SETD1A: variants seen among roughly 807,000 people sequenced by gnomAD.
The protein encoded by SETD1A is SET domain containing 1A, histone lysine methyltransferase.
SETD1A carries 29 observed loss-of-function variants against 149.9 expected under a neutral mutation model. That is an observed-to-expected ratio of 0.19 (90% CI 0.14 to 0.26). SETD1A has a LOEUF of 0.26. Among genes scored for constraint, SETD1A ranks in the 10% least tolerant of loss-of-function variants. The pLI, the probability that SETD1A is intolerant of heterozygous loss-of-function variation, is 1.00. For synonymous variants in SETD1A, 1,141 were observed against 968.5 expected (o/e 1.18, Z -3.31); for missense variants, 2,109 against 2,353.1 (o/e 0.90, Z 2.15).
intron 17 of SETD1A, among the ~76,000 whole-genome samples, chr16:30,981,733 C>T (rs981695592): frequency 9.9e-5 from 15 of 152,216 alleles, no homozygotes; most frequent in Non-Finnish European, 1.5e-4. Flanking sequence ...GAACAAGTAT[C>T]CACACAGAAG....
Position 30,980,880 on chromosome 16 carries a change from G to A in SETD1A, c.4692+31G>A. ...GCTGGGCTGCAGGAGGGGCTGGGTGGGGTGGGGTGGGGCAGGAAGGGGCAG... is the reference window on the plus strand; with the variant it reads ...GCTGGGCTGCAGGAGGGGCTGGGTGAGGTGGGGTGGGGCAGGAAGGGGCAG... On this transcript the variant is annotated intron_variant, in intron 16 of 18. Transcript: ENST00000262519. The surrounding 1 kb of genome is among the most constrained non-coding windows in gnomAD (Gnocchi z 7.7). 6.7e-7 allele frequency: 1 copy of A among 1,492,108 alleles called. No homozygotes were observed. Among genetic ancestry groups the A allele is most frequent in the Non-Finnish European group, 9.3e-7 (1 of 1,078,358 alleles). 92.4% of individuals were successfully genotyped at this position (1,492,108 alleles called of 1,614,324 possible).
chr16:30,977,610 C>T (rs2056300119), intron 13 of SETD1A, among the ~76,000 whole-genome samples: 1 of 152,196 alleles, frequency 6.6e-6, no homozygotes, highest in African/African-American at 2.4e-5. Flanking sequence ...CTGTAGGGGG[C>T]GCTGCCCCAG....
At chr16:30,959,658 G>C (rs1325899038) in intron 3 of SETD1A, among the ~76,000 whole-genome samples, 1 of 152,016 alleles carries the variant, frequency 6.6e-6, no homozygotes, top group Non-Finnish European at 1.5e-5. Context: ...CTTGAACTGG[G>C]CCTGGAACAC....
chr16:30,966,678 A>AGT (rs1283373779), intron 8 of SETD1A, among the ~76,000 whole-genome samples: 2 of 152,182 alleles, frequency 1.3e-5, no homozygotes, highest in African/African-American at 4.8e-5. Context: ...CCACTTGTGA[A>AGT]GTGGGAATGG....
At position 30,971,702 on chromosome 16, in the gene SETD1A, C is replaced by A; in HGVS notation, c.3341C>A (p.Ser1114Tyr). The A allele has an allele frequency of 6.4e-7, 1 of 1,574,198 alleles. No homozygotes were observed. The highest frequency in any genetic ancestry group is 8.6e-7 in the Non-Finnish European group (1 of 1,156,306). Residue 1114 changes from serine (S) to tyrosine (Y), a missense_variant, in exon 13 of 19, where the codon TCT becomes TAT. Coordinates refer to ENST00000262519, the MANE Select transcript of SETD1A (RefSeq NM_014712.3). ...ACACCCCTGCCCGAACAGGAGGCGTCTCCAGCAAGGCCTGCAGGTAGGTGC... is the reference window on the plus strand; with the variant it reads ...ACACCCCTGCCCGAACAGGAGGCGTATCCAGCAAGGCCTGCAGGTAGGTGC... ...PVTPLPEQEA[S>Y]PARPAGPTEE...
Position 30,961,863 on chromosome 16 carries a change from T to G in SETD1A, c.517+326T>G, listed in dbSNP as rs1469071100. On this transcript the variant is annotated intron_variant, in intron 4 of 18. Transcript: ENST00000262519. The surrounding 1 kb of genome is among the most constrained non-coding windows in gnomAD (Gnocchi z 4.0). The stretch of plus-strand genomic sequence containing the variant: ...AGGTCAGGTTGGTTGCTTGGTTGGT[T>G]TTTGAGACAGGATCCTGCTCTGTCA... 6.6e-6 allele frequency among the ~76,000 whole-genome samples: 1 copy of G among 151,410 alleles called. No individual in the cohort carries two copies. Among genetic ancestry groups the G allele is most frequent in the Non-Finnish European group, 1.5e-5 (1 of 67,500 alleles).
Position 30,979,585 on chromosome 16 carries a change from G to A in SETD1A, c.3799G>A (p.Gly1267Arg), listed in dbSNP as rs761087030. 1.4e-5 allele frequency: 22 copies of A among 1,610,324 alleles called. No individual in the cohort carries two copies. Among genetic ancestry groups the A allele is most frequent in the South Asian group, 8.8e-5 (8 of 91,026 alleles). ...CCTGGCCCTGACCCCTGCCCGGCGCGGGCTGCCTGCCCTGCCTGCTGTTGA... is the reference window on the plus strand; with the variant it reads ...CCTGGCCCTGACCCCTGCCCGGCGCAGGCTGCCTGCCCTGCCTGCTGTTGA... ...ADLALTPARR[G>R]LPALPAVEDS... The change falls in exon 14 of 19, where the codon GGG becomes AGG. Residue 1267 changes from glycine (G) to arginine (R), a missense_variant. Around this residue, in one of 8 missense-constraint regions of SETD1A, gnomAD observed 832 missense variants for 815.6 expected, o/e 1.02. Transcript: ENST00000262519.
At position 30,983,784 on chromosome 16, in the gene SETD1A, G is replaced by T; in HGVS notation, c.4950+12G>T. ...ACCACTGCTGCACGGTGCGCCAGGG[G>T]CCAGCCGGGGCAGGAGTTGGGGGTC... On this transcript the variant is annotated intron_variant, in intron 18 of 18. Coordinates refer to ENST00000262519, the MANE Select transcript of SETD1A (RefSeq NM_014712.3). This position sits in a 1 kb window ranked among gnomAD's most constrained non-coding sequence, Gnocchi z 6.8. 4.3e-6 allele frequency: 7 copies of T among 1,613,460 alleles called. No homozygotes were observed. The highest frequency in any genetic ancestry group is 5.9e-6 in the Non-Finnish European group (7 of 1,179,572).
chr16:30,959,047 G>A (rs770570360), intron 2 of SETD1A, 44 bp from the exon 3 acceptor site: 1 of 1,515,652 alleles, frequency 6.6e-7, no homozygotes, highest in African/African-American at 1.4e-5. Context: ...TCCCTAGCCT[G>A]GATTCACCCT....
chr16:30,961,132 T>C lies in SETD1A; in HGVS notation c.247-135T>C, dbSNP rs1277437115. The C allele has an allele frequency of 2.4e-6, 2 of 824,632 alleles. No homozygotes were observed. The highest frequency in any genetic ancestry group is 1.6e-5 in the South Asian group (1 of 63,216). 51.1% of individuals were successfully genotyped at this position (824,632 alleles called of 1,614,324 possible). A position where few individuals can be genotyped will look rare whatever the true frequency, so the allele number is the denominator to read the frequency against. ...GGGGTCAGGTCTGATGGATCCCTTATTTTGGGCCCCTTCCCTTGCCCCTCA... is the reference window on the plus strand; with the variant it reads ...GGGGTCAGGTCTGATGGATCCCTTACTTTGGGCCCCTTCCCTTGCCCCTCA... On this transcript the variant is annotated intron_variant, in intron 3 of 18. Transcript: ENST00000262519. The surrounding 1 kb of genome is among the most constrained non-coding windows in gnomAD (Gnocchi z 4.0).
chr16:30,964,752 C>T lies in SETD1A; in HGVS notation c.1010C>T (p.Ser337Phe), dbSNP rs776546240. 2.2e-5 allele frequency: 35 copies of T among 1,614,096 alleles called. No individual in the cohort carries two copies. Among genetic ancestry groups the T allele is most frequent in the Non-Finnish European group, 2.9e-5 (34 of 1,180,044 alleles). ...IAATTAATAS[S>F]SASSSSLSSS... ...GCCACCACTGCAGCCACTGCCTCAT[C>T]CTCCGCCTCTTCCTCCTCATTGTCC... Residue 337 changes from serine to phenylalanine, a missense_variant, in exon 7 of 19, where the codon TCC (serine) becomes TTC (phenylalanine). Around this residue, in one of 8 missense-constraint regions of SETD1A, gnomAD observed 410 missense variants for 394.8 expected, o/e 1.04. Coordinates refer to ENST00000262519, the MANE Select transcript of SETD1A (RefSeq NM_014712.3).
At chr16:30,972,062 T>C (rs2056232473) in intron 13 of SETD1A, among the ~76,000 whole-genome samples, 1 of 152,198 alleles carries the variant, frequency 6.6e-6, no homozygotes, top group Non-Finnish European at 1.5e-5. Flanking sequence ...CAAGTGCAGG[T>C]TATTAAATGG....
intron 13 of SETD1A, among the ~76,000 whole-genome samples, chr16:30,975,621 G>A (rs564761832): frequency 6.6e-6 from 1 of 152,000 alleles, no homozygotes; most frequent in Non-Finnish European, 1.5e-5. Context: ...AGTTGAGACA[G>A]GGTCTCACCA....
chr16:30,980,325 C>T lies in SETD1A; in HGVS notation c.4408+131C>T, dbSNP rs1173643390. 1.4e-6 allele frequency: 2 copies of T among 1,435,666 alleles called. No individual in the cohort carries two copies. The highest frequency in any genetic ancestry group is 1.4e-5 in the South Asian group (1 of 71,254). 88.9% of individuals were successfully genotyped at this position (1,435,666 alleles called of 1,614,324 possible). On this transcript the variant is annotated intron_variant, in intron 14 of 18. Transcript: ENST00000262519. The surrounding 1 kb of genome is among the most constrained non-coding windows in gnomAD (Gnocchi z 7.7). ...CATCTTTTCTCTCCTCCTGGTGCCT[C>T]TTTTCTGCCTTCCAAAGCATTTCTG...
intron 12 of SETD1A, among the ~76,000 whole-genome samples, chr16:30,970,024 A>G (rs566302397): frequency 2.2e-4 from 33 of 149,648 alleles, no homozygotes; most frequent in East Asian, 1.6e-3. Flanking sequence ...CTGGAGTGCA[A>G]TGGCGCAATC....
chr16:30,969,423 C>T lies in SETD1A; in HGVS notation c.2889C>T (p.Ser963=), dbSNP rs2305881. The part of the protein sequence containing the change: ...GKHRKSFALD[S]EGEEASQESS... The stretch of plus-strand genomic sequence containing the variant: ...ACCGCAAGTCCTTTGCTCTGGACAG[C>T]GAAGGGGAGGAGGCATCCCAGGAGT... Residue 963 remains serine (S), a synonymous_variant, in exon 11 of 19, where the codon AGC becomes AGT. Coordinates refer to ENST00000262519, the MANE Select transcript of SETD1A (RefSeq NM_014712.3). The T allele has an allele frequency of 5.0e-3, 8,099 of 1,613,596 alleles. 536 individuals carry two copies. The East Asian group carries it at 0.15, about 29-fold the overall frequency.
At position 30,966,344 on chromosome 16, in the gene SETD1A, A is replaced by C. The variant is rs755575436; in HGVS notation, c.2463A>C (p.Gly821=). 2.5e-6 allele frequency: 4 copies of C among 1,613,362 alleles called. No homozygotes were observed. The South Asian group carries it at 4.4e-5, about 18-fold the overall frequency. The stretch of plus-strand genomic sequence containing the variant: ...AGATGGTGGAGAACGTGGCCTTCGG[A>C]GCCTTTGACCAGTGGTGGGAGAGCA... ...NRKMVENVAF[G]AFDQWWESKE... Residue 821 remains glycine, a synonymous_variant, in exon 8 of 19, where the codon GGA becomes GGC. Transcript: ENST00000262519.
chr16:30,984,074 G>T lies in SETD1A; in HGVS notation c.*51G>T. 6.5e-7 allele frequency: 1 copy of T among 1,534,826 alleles called. No individual in the cohort carries two copies. The highest frequency in any genetic ancestry group is 8.8e-7 in the Non-Finnish European group (1 of 1,131,636). On this transcript the variant is annotated 3_prime_UTR_variant, in exon 19 of 19. Coordinates refer to ENST00000262519, the MANE Select transcript of SETD1A (RefSeq NM_014712.3). ...CCCTATTTATTCCCCCTGGTGCCCT[G>T]AGCTCCCAGCACCCCCCCAGCCTTA... is the stretch of plus-strand genomic sequence containing the variant.
Position 30,979,422 on chromosome 16 carries a change from G to A in SETD1A, c.3636G>A (p.Leu1212=), listed in dbSNP as rs1287023534. The change falls in exon 14 of 19, where the codon CTG becomes CTA. Residue 1212 remains leucine, a synonymous_variant. Coordinates refer to ENST00000262519, the MANE Select transcript of SETD1A (RefSeq NM_014712.3). Reference sequence around the variant, plus strand: ...AGCGGACCATCCGCAACCTGCCCCTGGACCACGCATCTCTGGTCAAGAGTT... The same window carrying A: ...AGCGGACCATCCGCAACCTGCCCCTAGACCACGCATCTCTGGTCAAGAGTT... The part of the protein sequence containing the change: ...GVERTIRNLP[L]DHASLVKSWP... 5 of 1,610,128 alleles carry A rather than the reference G, an allele frequency of 3.1e-6. No homozygotes were observed. The African/African-American group carries it at 6.7e-5, about 22-fold the overall frequency.
Sources: gnomAD v4.1 joint callset for allele counts (sites outside exome capture counted in the v4.1 genomes callset) on GRCh38, gnomAD v4.1.1 for gene constraint, gnomAD v4.1.1 regional missense constraint, Gnocchi (gnomAD v3.1) non-coding constraint, MANE v1.5 for transcripts, NCBI Gene and HGNC (gene_info 2026-07-23, HGNC 2026-07-21) for gene names.